The following ANO10 variants were observed in gnomAD, a reference collection of about 807,000 sequenced individuals.
The protein encoded by ANO10 is anoctamin-10.
ANO10 carries 77 observed loss-of-function variants against 74.7 expected under a neutral mutation model. The observed-to-expected ratio is 1.03, with a 90% CI of 0.86 to 1.25. ANO10 has a LOEUF of 1.25. Among genes scored for constraint, ANO10 ranks in the 50% most tolerant of loss-of-function variants. The pLI is 0.00. For synonymous variants in ANO10, 279 were observed against 284.9 expected (o/e 0.98, Z 0.21); for missense variants, 721 against 778.1 (o/e 0.93, Z 0.87).
Position 43,576,894 on chromosome 3 carries a change from T to C in ANO10, c.960A>G (p.Pro320=). ...AGAAATAGAGGCAGAGGCACACGAA[T>C]GGCAGGGAGACCAGGTAAATGCGCA... ...RQLRIYLVSL[P]FVCLCLYFSL... is the part of the protein sequence containing the mutation. The change falls in exon 6 of 13, where the codon CCA becomes CCG. Residue 320 remains proline, a synonymous_variant. Coordinates refer to ENST00000292246, the MANE Select transcript of ANO10 (RefSeq NM_018075.5). The C allele has an allele frequency of 6.2e-7, 1 of 1,614,154 alleles. No homozygotes were observed. Among genetic ancestry groups the C allele is most frequent in the Non-Finnish European group, 8.5e-7 (1 of 1,180,024 alleles).
chr3:43,583,818 C>T (rs1424668332), intron 4 of ANO10, among the ~76,000 whole-genome samples: 1 of 152,150 alleles, frequency 6.6e-6, no homozygotes, highest in Non-Finnish European at 1.5e-5. Flanking sequence ...ATAAAGAAAA[C>T]AGTATCTTTC....
At chr3:43,436,477 G>A (rs1029593323) in intron 11 of ANO10, among the ~76,000 whole-genome samples, 2 of 152,116 alleles carry the variant, frequency 1.3e-5, no homozygotes, top group African/African-American at 4.8e-5. Context: ...GAGAAGAACA[G>A]TGAAGGTGGG....
intron 1 of ANO10, among the ~76,000 whole-genome samples, chr3:43,632,016 T>C (rs2083553387): frequency 6.8e-6 from 1 of 146,990 alleles, no homozygotes; most frequent in Non-Finnish European, 1.5e-5. Flanking sequence ...GAGGTTGCAG[T>C]GAGCCAACAC....
At chr3:43,571,463 A>G (rs2149384335) in intron 7 of ANO10, among the ~76,000 whole-genome samples, 1 of 152,170 alleles carries the variant, frequency 6.6e-6, no homozygotes, top group East Asian at 1.9e-4. Context: ...AGACTGGATT[A>G]AGAAAATGTG....
At chr3:43,551,367 T>C in intron 10 of ANO10, 1 of 353,946 alleles carries the variant, frequency 2.8e-6, no homozygotes, top group Non-Finnish European at 5.6e-6. Flanking sequence ...GTAACTAAAC[T>C]TTCAGGTTTT....
intron 11 of ANO10, among the ~76,000 whole-genome samples, chr3:43,535,378 C>T (rs1038156404): frequency 6.7e-6 from 1 of 149,978 alleles, no homozygotes; most frequent in African/African-American, 2.5e-5. Context: ...AGGGTTCAAG[C>T]GATTCTCCTG....
intron 4 of ANO10, among the ~76,000 whole-genome samples, chr3:43,585,857 G>A (rs2149432472): frequency 1.3e-5 from 2 of 152,246 alleles, no homozygotes; most frequent in East Asian, 3.9e-4. Context: ...TGGAAATCCT[G>A]GTTACAAATA....
rs1353142129 is a variant in ANO10 at position 43,365,906 on chromosome 3, C to CT, written c.*999dup. 2 of 152,590 alleles carry CT rather than the reference C, an allele frequency of 1.3e-5. No homozygotes were observed. Among genetic ancestry groups the CT allele is most frequent in the Non-Finnish European group, 2.9e-5 (2 of 68,208 alleles). The allele number at this position is 152,590 out of a possible 1,614,324, so 9.5% of individuals were successfully genotyped here. ...TGCCCACGGGTCTGTAGTGTCTTGG[C>CT]TACAGCAGGACGGCCAGCGCTGGTG... On this transcript the variant is annotated 3_prime_UTR_variant, in exon 13 of 13. Coordinates refer to ENST00000292246, the MANE Select transcript of ANO10 (RefSeq NM_018075.5).
At chr3:43,466,388 C>CAAA (rs1205923618) in intron 11 of ANO10, among the ~76,000 whole-genome samples, 2 of 87,456 alleles carry the variant, frequency 2.3e-5, no homozygotes, top group Admixed American at 1.2e-4. Context: ...AAAAAAAAAA[C>CAAA]AAACAAAAAA....
chr3:43,500,732 G>C (rs2077070482), intron 11 of ANO10, among the ~76,000 whole-genome samples: 1 of 152,200 alleles, frequency 6.6e-6, no homozygotes, highest in Non-Finnish European at 1.5e-5. Context: ...TGACACTTTA[G>C]TGCACAAACA....
chr3:43,621,006 C>T (rs2083367184), intron 1 of ANO10, among the ~76,000 whole-genome samples: 1 of 152,164 alleles, frequency 6.6e-6, no homozygotes, highest in Non-Finnish European at 1.5e-5. Context: ...ATTTGTATGA[C>T]TTTAAATTAA....
chr3:43,374,514 G>A (rs1039303555), intron 12 of ANO10, among the ~76,000 whole-genome samples: 6 of 152,312 alleles, frequency 3.9e-5, no homozygotes, highest in African/African-American at 7.2e-5. Context: ...TAACCTACAG[G>A]CTGCCCGGCC....
chr3:43,367,647 G>C (rs905187786), intron 12 of ANO10, among the ~76,000 whole-genome samples: 2 of 152,182 alleles, frequency 1.3e-5, no homozygotes, highest in Admixed American at 6.5e-5. Flanking sequence ...TGTCAGAAGG[G>C]AGAGCCTGTT....
upstream of ANO10, among the ~76,000 whole-genome samples, chr3:43,622,288 G>A (rs2083436322): frequency 6.6e-6 from 1 of 152,202 alleles, no homozygotes; most frequent in Non-Finnish European, 1.5e-5. Context: ...CGTGCCTAAC[G>A]TACTGTACCA....
At chr3:43,510,665 A>C (rs1421848178) in intron 11 of ANO10, among the ~76,000 whole-genome samples, 5 of 152,158 alleles carry the variant, frequency 3.3e-5, no homozygotes, top group Non-Finnish European at 7.4e-5. Context: ...TAAACATTTA[A>C]ATTTTAAAAA....
chr3:43,447,580 A>G (rs1365072657), intron 11 of ANO10, among the ~76,000 whole-genome samples: 2 of 152,254 alleles, frequency 1.3e-5, no homozygotes, highest in African/African-American at 4.8e-5. Flanking sequence ...GGAAGAAAGA[A>G]GAAGAAAGAC....
Position 43,366,680 on chromosome 3 carries a change from T to G in ANO10, c.*226A>C. The G allele has an allele frequency of 1.7e-6, 1 of 600,602 alleles. No homozygotes were observed. Among genetic ancestry groups the G allele is most frequent in the East Asian group, 2.8e-5 (1 of 35,428 alleles). The allele number at this position is 600,602 out of a possible 1,614,324, so 37.2% of individuals were successfully genotyped here. A position where few individuals can be genotyped will look rare whatever the true frequency, so the allele number is the denominator to read the frequency against. The stretch of plus-strand genomic sequence containing the variant: ...CAGCGTGTGGGGCCCGGGAAGGAAC[T>G]GGGAAGGAGCAGACAGGGTGGGGCT... On this transcript the variant is annotated 3_prime_UTR_variant, in exon 13 of 13. Coordinates refer to ENST00000292246, the MANE Select transcript of ANO10 (RefSeq NM_018075.5).
intron 1 of ANO10, among the ~76,000 whole-genome samples, chr3:43,630,618 G>A (rs1257240662): frequency 6.6e-6 from 1 of 152,032 alleles, no homozygotes; most frequent in Non-Finnish European, 1.5e-5. Flanking sequence ...TTGGAGCCTT[G>A]GCAGTGGTTG....
intron 1 of ANO10, among the ~76,000 whole-genome samples, chr3:43,627,219 C>A (rs1408520194): frequency 6.6e-6 from 1 of 152,202 alleles, no homozygotes; most frequent in Non-Finnish European, 1.5e-5. Flanking sequence ...AGTCAAATTT[C>A]AGTACAGAAA....
Sources: allele counts gnomAD v4.1 joint callset (sites outside exome capture counted in the v4.1 genomes callset), GRCh38; gene constraint gnomAD v4.1.1; transcripts MANE v1.5; gene names NCBI Gene and HGNC (gene_info 2026-07-23, HGNC 2026-07-21).